GFRA2: variants seen among roughly 807,000 people sequenced by gnomAD.
GFRA2 encodes the protein GDNF family receptor alpha 2.
Under a neutral mutation model 48.3 loss-of-function variants are expected in GFRA2, and 17 were observed. That is an observed-to-expected ratio of 0.35 (90% confidence interval 0.24 to 0.53). GFRA2 has a LOEUF of 0.53. GFRA2 is among the 20% of genes least tolerant of loss of function. The pLI, the probability that GFRA2 is intolerant of heterozygous loss-of-function variation, is 0.93. For missense variants in GFRA2, 660 were observed against 637.3 expected (o/e 1.04, Z -0.38); for synonymous variants, 305 against 257.2 (o/e 1.19, Z -1.78).
chr8:21,768,839 G>A (rs947436098), intron 3 of GFRA2, among the ~76,000 whole-genome samples: 2 of 152,152 alleles, frequency 1.3e-5, no homozygotes, highest in Non-Finnish European at 2.9e-5. Flanking sequence ...ACCCCAGAGA[G>A]GCCACTGTCC....
At chr8:21,694,042 G>GATAT (rs139986722) in intron 8 of GFRA2, among the ~76,000 whole-genome samples, 3,845 of 118,314 alleles carry the variant, frequency 0.032, 272 homozygotes, top group African/African-American at 0.11. Context: ...ATATATATGA[G>GATAT]ATATATATAT....
intron 7 of GFRA2, among the ~76,000 whole-genome samples, chr8:21,700,911 G>A (rs549993699): frequency 2.1e-4 from 32 of 152,064 alleles, no homozygotes; most frequent in African/African-American, 5.8e-4. Flanking sequence ...AACACCCTAC[G>A]ACCCCACAAG....
intron 3 of GFRA2, among the ~76,000 whole-genome samples, chr8:21,754,514 T>TTC (rs1220916068): frequency 2.0e-5 from 3 of 146,358 alleles, no homozygotes; most frequent in Non-Finnish European, 4.6e-5. Flanking sequence ...TCTTTTTTTT[T>TTC]TTTTTTTTTT....
rs76473239 is a variant in GFRA2, at chr8:21,758,207, A to C, written c.440-7265T>G. On this transcript the variant is annotated intron_variant, in intron 3 of 8. Coordinates refer to ENST00000524240, the MANE Select transcript of GFRA2 (RefSeq NM_001495.5). The stretch of plus-strand genomic sequence containing the variant: ...CAGGGCTGCCCTTGGCCCACTCCCC[A>C]CACACACACACACACACACACCTCA... Among the ~76,000 whole-genome samples the C allele has an allele frequency of 3.1e-3, 133 of 42,520 alleles. 1 individual carries two copies. Among genetic ancestry groups the C allele is most frequent in the South Asian group, 5.0e-3 (7 of 1,400 alleles). 27.9% of individuals were successfully genotyped at this position (42,520 alleles called of 152,430 possible).
At position 21,772,452 on chromosome 8, in the gene GFRA2, C is replaced by T. The variant is rs764269095; in HGVS notation, c.439+2520G>A. 1.7e-3 allele frequency among the ~76,000 whole-genome samples: 264 copies of T among 152,278 alleles called. 1 individual carries two copies. The highest frequency in any genetic ancestry group is 3.1e-3 in the Non-Finnish European group (212 of 68,014). On this transcript the variant is annotated intron_variant, in intron 3 of 8. Transcript: ENST00000524240. ...CAAAAGTGCTGAAATTACAGGCAAG[C>T]GTGAGCCACTGTGCCCAGCCCCAGC...
intron 2 of GFRA2, among the ~76,000 whole-genome samples, chr8:21,781,273 G>A (rs185104166): frequency 2.0e-5 from 3 of 151,872 alleles, no homozygotes; most frequent in Non-Finnish European, 4.4e-5. Context: ...TCTGATCATC[G>A]CCCTTAAAAC....
chr8:21,730,532 T>G lies in GFRA2; in HGVS notation c.794+20056A>C, dbSNP rs182159034. ...CACAGAGGGAGCGAAGGTTTGAGCCTTCCATGGCAATGCAGAAGGAGAGAC... is the reference window on the plus strand; with the variant it reads ...CACAGAGGGAGCGAAGGTTTGAGCCGTCCATGGCAATGCAGAAGGAGAGAC... On this transcript the variant is annotated intron_variant, in intron 4 of 8. Transcript: ENST00000524240. Among the ~76,000 whole-genome samples the G allele has an allele frequency of 3.3e-5, 5 of 152,306 alleles. 1 individual carries two copies. Among genetic ancestry groups the G allele is most frequent in the Admixed American group, 3.3e-4 (5 of 15,306 alleles).
chr8:21,759,387 A>T (rs1218536358), intron 3 of GFRA2, among the ~76,000 whole-genome samples: 5 of 146,056 alleles, frequency 3.4e-5, no homozygotes, highest in Admixed American at 6.8e-5. Flanking sequence ...CTCTGGCTCA[A>T]AAAAGAAAGA....
At chr8:21,725,909 G>A (rs1563230351) in intron 4 of GFRA2, among the ~76,000 whole-genome samples, 1 of 152,226 alleles carries the variant, frequency 6.6e-6, no homozygotes, top group Non-Finnish European at 1.5e-5. Flanking sequence ...CAAGACCCCA[G>A]GATGGGGGTG....
At chr8:21,709,613 G>C (rs935938336) in intron 4 of GFRA2, among the ~76,000 whole-genome samples, 1 of 152,184 alleles carries the variant, frequency 6.6e-6, no homozygotes, top group Non-Finnish European at 1.5e-5. Context: ...CAGGGACTGG[G>C]GCAGTGGGAG....
In GFRA2 at chr8:21,788,285, C is replaced by T; in HGVS notation, c.-126G>A. ...CCCAAATCCAATGCGGAGATCCCAG[C>T]TAGTCCACCCGATGAAGATCCCGAG... On this transcript the variant is annotated 5_prime_UTR_variant, in exon 1 of 9. Coordinates refer to ENST00000524240, the MANE Select transcript of GFRA2 (RefSeq NM_001495.5). 1 of 1,399,938 alleles carries T rather than the reference C, an allele frequency of 7.1e-7. No individual in the cohort carries two copies. Among genetic ancestry groups the T allele is most frequent in the South Asian group, 1.7e-5 (1 of 59,984 alleles). The allele number at this position is 1,399,938 out of a possible 1,614,324, so 86.7% of individuals were successfully genotyped here.
intron 7 of GFRA2, 68 bp from the exon 8 acceptor site, chr8:21,694,585 C>T: frequency 6.9e-7 from 1 of 1,444,238 alleles, no homozygotes; most frequent in South Asian, 1.2e-5. Flanking sequence ...TGTCCAGAGA[C>T]TTAGATGAGG....
intron 4 of GFRA2, among the ~76,000 whole-genome samples, chr8:21,747,413 T>C (rs1378146656): frequency 6.6e-6 from 1 of 152,124 alleles, no homozygotes; most frequent in Admixed American, 6.5e-5. Context: ...GTGGTATGCA[T>C]AGTTTCATCT....
chr8:21,777,983 C>G (rs1335320884), intron 2 of GFRA2, among the ~76,000 whole-genome samples: 1 of 152,196 alleles, frequency 6.6e-6, no homozygotes, highest in East Asian at 1.9e-4. Flanking sequence ...CCATCCTCCC[C>G]ACTGCCGCCA....
upstream of GFRA2, chr8:21,790,057 G>A: frequency 2.0e-6 from 2 of 984,866 alleles, no homozygotes; most frequent in Non-Finnish European, 2.4e-6. Context: ...ATCTGTCGGT[G>A]GGCCGGGCTC....
chr8:21,746,905 C>A (rs1805034288), intron 4 of GFRA2, among the ~76,000 whole-genome samples: 1 of 152,172 alleles, frequency 6.6e-6, no homozygotes, highest in African/African-American at 2.4e-5. Flanking sequence ...CATCTCAGGG[C>A]TGCAGGCCTG....
chr8:21,730,057 C>T (rs368098244), intron 4 of GFRA2, among the ~76,000 whole-genome samples: 1 of 151,986 alleles, frequency 6.6e-6, no homozygotes, highest in Non-Finnish European at 1.5e-5. Context: ...GGGGGGGCCT[C>T]ATAAAGGTGT....
chr8:21,742,405 C>A (rs995839863), intron 4 of GFRA2, among the ~76,000 whole-genome samples: 1 of 152,210 alleles, frequency 6.6e-6, no homozygotes, highest in African/African-American at 2.4e-5. Context: ...AAAAGGCCCT[C>A]ATCACAGGGC....
chr8:21,722,664 T>C (rs73669527), intron 4 of GFRA2, among the ~76,000 whole-genome samples: 1 of 152,044 alleles, frequency 6.6e-6, no homozygotes, highest in Non-Finnish European at 1.5e-5. Flanking sequence ...CTCCAACCGA[T>C]ACACGCGTGG....
Sources: gnomAD v4.1 joint callset for allele counts (sites outside exome capture counted in the v4.1 genomes callset) on GRCh38, gnomAD v4.1.1 for gene constraint, MANE v1.5 for transcripts, NCBI Gene and HGNC (gene_info 2026-07-23, HGNC 2026-07-21) for gene names.